The following RNASET2 variants were observed in gnomAD, a reference collection of about 807,000 sequenced individuals.
The protein encoded by RNASET2 is ribonuclease 6.
RNASET2 carries 28 observed loss-of-function variants against 33.9 expected under a neutral mutation model. The ratio of observed to expected loss-of-function variants is 0.83; its 90% CI spans 0.61 to 1.13. RNASET2 has a LOEUF of 1.13. RNASET2 is among the 50% of genes most tolerant of loss of function. The pLI, the probability that RNASET2 is intolerant of heterozygous loss-of-function variation, is 0.00. For synonymous variants in RNASET2, 123 were observed against 121.0 expected (o/e 1.02, Z -0.11); for missense variants, 330 against 319.9 (o/e 1.03, Z -0.24).
chr6:166,936,562 A>C lies in RNASET2; in HGVS notation c.446+2333T>G, dbSNP rs556838370. 1.1e-4 allele frequency among the ~76,000 whole-genome samples: 16 copies of C among 152,296 alleles called. No homozygotes were observed. The East Asian group carries it at 3.1e-3, about 29-fold the overall frequency. ...CAAAGGGGAGCTGGTGTGTACAGAG[A>C]TCACATGGCCAGAGAGGAAGCCAGG... On this transcript the variant is annotated intron_variant, in intron 6 of 8. Coordinates refer to ENST00000508775, the MANE Select transcript of RNASET2 (RefSeq NM_003730.6).
chr6:166,931,390 C>T (rs1328219417), intron 7 of RNASET2: 3 of 514,958 alleles, frequency 5.8e-6, no homozygotes, highest in Admixed American at 3.3e-5. Flanking sequence ...CTCTCCTCCT[C>T]CCAGTGTCTT....
chr6:166,955,821 T>G, intron 1 of RNASET2: 1 of 934,694 alleles, frequency 1.1e-6, no homozygotes, highest in Non-Finnish European at 1.3e-6. Context: ...CGGGGCGTGC[T>G]CAGGACTCCC....
rs201103913 is a variant in RNASET2, at chr6:166,943,118, C to T, written c.262-29G>A. The T allele has an allele frequency of 7.3e-4, 1,139 of 1,553,050 alleles. 6 individuals carry two copies. The African/African-American group carries it at 8.3e-3, about 11-fold the overall frequency. On this transcript the variant is annotated intron_variant, in intron 4 of 8. Coordinates refer to ENST00000508775, the MANE Select transcript of RNASET2 (RefSeq NM_003730.6). ...TGCATTAAAAAATAAAATAAGTCTA[C>T]GCAGGTTCTTAATAATAAACTCAAA...
At chr6:166,936,463 G>A (rs1242314963) in intron 6 of RNASET2, among the ~76,000 whole-genome samples, 1 of 152,162 alleles carries the variant, frequency 6.6e-6, no homozygotes, top group Non-Finnish European at 1.5e-5. Context: ...GGGGTCTGCA[G>A]GCTGTCCGAG....
At chr6:166,932,486 G>A (rs911376796) in intron 7 of RNASET2, 3 of 152,262 alleles carry the variant, frequency 2.0e-5, no homozygotes, top group African/African-American at 7.2e-5. Flanking sequence ...CTCCCCTCAG[G>A]GCCTGGGCAG....
Position 166,934,000 on chromosome 6 carries a change from A to T in RNASET2, c.492+91T>A. The T allele has an allele frequency of 1.0e-5, 9 of 893,072 alleles. No homozygotes were observed. Among genetic ancestry groups the T allele is most frequent in the Non-Finnish European group, 1.7e-5 (9 of 521,434 alleles). The allele number at this position is 893,072 out of a possible 1,614,324, so 55.3% of individuals were successfully genotyped here. The stretch of plus-strand genomic sequence containing the variant: ...GTAGGAAGGGGGTTTGCACTGGGGC[A>T]ATTTACAGCCCATTGACTCAGAGGC... On this transcript the variant is annotated intron_variant, in intron 7 of 8. Coordinates refer to ENST00000508775, the MANE Select transcript of RNASET2 (RefSeq NM_003730.6). This position sits in a 1 kb window ranked among gnomAD's most constrained non-coding sequence, Gnocchi z 4.1.
chr6:166,941,513 T>C (rs879698332), intron 5 of RNASET2, among the ~76,000 whole-genome samples: 2 of 152,174 alleles, frequency 1.3e-5, no homozygotes, highest in Admixed American at 1.3e-4. Flanking sequence ...TTTGAAATAA[T>C]TTTCTAGAAC....
intron 7 of RNASET2, chr6:166,931,425 G>C (rs1212960420): frequency 4.0e-5 from 18 of 448,368 alleles, no homozygotes; most frequent in South Asian, 2.3e-4. Flanking sequence ...TGTCTCACCT[G>C]AAACGCCACC....
chr6:166,945,901 G>T (rs1778829803), intron 4 of RNASET2, among the ~76,000 whole-genome samples: 1 of 151,874 alleles, frequency 6.6e-6, no homozygotes, highest in East Asian at 1.9e-4. Context: ...TGACCTTGGG[G>T]AATGTACCAT....
chr6:166,929,508 C>G lies in RNASET2; in HGVS notation c.*80G>C. 7.0e-7 allele frequency: 1 copy of G among 1,428,212 alleles called. No homozygotes were observed. The highest frequency in any genetic ancestry group is 9.9e-7 in the Non-Finnish European group (1 of 1,011,798). The allele number at this position is 1,428,212 out of a possible 1,614,324, so 88.5% of individuals were successfully genotyped here. The stretch of plus-strand genomic sequence containing the variant: ...GAAACAGCAAAATAAACAGACTTCA[C>G]TTTGGAGTTGTTTTTTAGAAAGCTG... On this transcript the variant is annotated 3_prime_UTR_variant, in exon 9 of 9. Transcript: ENST00000508775.
At chr6:166,945,462 C>G (rs1018552630) in intron 4 of RNASET2, 1 of 154,510 alleles carries the variant, frequency 6.5e-6, no homozygotes. Context: ...CTAAGTCTCA[C>G]GGCAGTCCCC....
At position 166,925,520 on chromosome 6, in the gene RNASET2, GC is replaced by G. The variant is rs545505946; in HGVS notation, c.*4067del. The stretch of plus-strand genomic sequence containing the variant: ...GTCCAGCCCTCACCTCCCCGGTCCA[GC>G]CCTTGCCTCCCCCGTCCAGCCCTCA... On this transcript the variant is annotated 3_prime_UTR_variant, in exon 9 of 9. Coordinates refer to ENST00000508775, the MANE Select transcript of RNASET2 (RefSeq NM_003730.6). Among the ~76,000 whole-genome samples the G allele has an allele frequency of 1.5e-3, 222 of 151,938 alleles. 2 individuals carry two copies. Among genetic ancestry groups the G allele is most frequent in the Middle Eastern group, 0.014 (4 of 294 alleles).
chr6:166,934,401 G>A (rs556868642), intron 6 of RNASET2: 8 of 469,524 alleles, frequency 1.7e-5, no homozygotes, highest in East Asian at 1.6e-4. Flanking sequence ...GGGAGCGCTG[G>A]GGCCACCACC....
At chr6:166,943,190 G>GACA in intron 4 of RNASET2, 101 bp from the exon 5 acceptor site, 2 of 786,140 alleles carry the variant, frequency 2.5e-6, no homozygotes, top group Non-Finnish European at 4.3e-6. Flanking sequence ...ATTGAGCTCT[G>GACA]CTAATTAACA....
At chr6:166,930,835 ACATG>A (rs2128643923) in intron 8 of RNASET2, among the ~76,000 whole-genome samples, 1 of 150,162 alleles carries the variant, frequency 6.7e-6, no homozygotes, top group East Asian at 2.0e-4. Flanking sequence ...GCACATGCCC[ACATG>A]CATGTACACA....
At position 166,934,073 on chromosome 6, in the gene RNASET2, A is replaced by C. The variant is rs754184305; in HGVS notation, c.492+18T>G. The C allele has an allele frequency of 1.9e-6, 3 of 1,601,060 alleles. No individual in the cohort carries two copies. The East Asian group carries it at 6.7e-5, about 36-fold the overall frequency. On this transcript the variant is annotated intron_variant, in intron 7 of 8. Coordinates refer to ENST00000508775, the MANE Select transcript of RNASET2 (RefSeq NM_003730.6). ...CCCGGGAGAGACACACGAGAAAAGAAGCAAAAGCAAGACTTACTTGGTAGT... is the reference window on the plus strand; with the variant it reads ...CCCGGGAGAGACACACGAGAAAAGACGCAAAAGCAAGACTTACTTGGTAGT...
At chr6:166,949,500 CAAAAAAAA>C (rs61621125) in intron 2 of RNASET2, among the ~76,000 whole-genome samples, 2 of 44,398 alleles carry the variant, frequency 4.5e-5, no homozygotes, top group Non-Finnish European at 8.7e-5. Flanking sequence ...GACTCCATCT[CAAAAAAAA>C]AAAAAAAAAA....
intron 1 of RNASET2, 77 bp downstream of exon 1, chr6:166,956,020 A>G: frequency 7.2e-7 from 1 of 1,387,960 alleles, no homozygotes; most frequent in Non-Finnish European, 1.0e-6. Context: ...CGACCCCGAG[A>G]GCTGCAGCCT....
At chr6:166,942,801 G>A (rs930430353) in intron 5 of RNASET2, among the ~76,000 whole-genome samples, 2 of 152,140 alleles carry the variant, frequency 1.3e-5, no homozygotes, top group African/African-American at 4.8e-5. Context: ...GGCTTATATG[G>A]TAAATTCCAC....
Sources: allele counts gnomAD v4.1 joint callset (sites outside exome capture counted in the v4.1 genomes callset), GRCh38; gene constraint gnomAD v4.1.1; non-coding constraint Gnocchi (gnomAD v3.1); transcripts MANE v1.5; gene names NCBI Gene and HGNC (gene_info 2026-07-23, HGNC 2026-07-21).